Variants in HDAC7 observed in about 807,000 individuals in gnomAD.
HDAC7 encodes histone deacetylase 7A.
A neutral mutation model predicts 115.5 loss-of-function variants in HDAC7; 26 were observed. The observed-to-expected ratio is 0.23, with a 90% CI of 0.16 to 0.31. HDAC7 has a LOEUF of 0.31. Among genes scored for constraint, HDAC7 ranks in the 10% least tolerant of loss-of-function variants. The pLI is 1.00. For synonymous variants in HDAC7, 564 were observed against 550.9 expected, an observed-to-expected ratio of 1.02 and a Z score of -0.33; for missense variants, 1,068 against 1,329.0, an observed-to-expected ratio of 0.80 and a Z score of 3.05.
Position 47,795,429 on chromosome 12 carries a change from G to A in HDAC7, c.1088-49C>T. 1 of 1,506,706 alleles carries A rather than the reference G, an allele frequency of 6.6e-7. No individual in the cohort carries two copies. The highest frequency in any genetic ancestry group is 9.0e-7 in the Non-Finnish European group (1 of 1,106,646). 93.3% of individuals were successfully genotyped at this position (1,506,706 alleles called of 1,614,324 possible). ...TAAGGAGGGAACCACAGGGAGCAAT[G>A]GAAGGAAGCGAGGGTATAGGGTGGG... On this transcript the variant is annotated intron_variant, in intron 10 of 25. Transcript: ENST00000080059. This position sits in a 1 kb window ranked among gnomAD's most constrained non-coding sequence, Gnocchi z 4.3.
At chr12:47,789,693 C>T (rs1943374028) in intron 17 of HDAC7, 115 bp from the exon 18 acceptor site, 14 of 1,418,302 alleles carry the variant, frequency 9.9e-6, no homozygotes, top group Non-Finnish European at 1.4e-5. Flanking sequence ...ATTTCCCCTC[C>T]AAAACCCTGT....
intron 1 of HDAC7, chr12:47,817,741 C>G (rs1040126729): frequency 6.6e-6 from 1 of 152,274 alleles, no homozygotes; most frequent in Non-Finnish European, 1.5e-5. Flanking sequence ...AATTACCAGC[C>G]CTTAATGAAA....
rs2137018794 is a variant in HDAC7, at chr12:47,803,868, T to A, written c.20-1594A>T. Among the ~76,000 whole-genome samples the A allele has an allele frequency of 6.6e-6, 1 of 152,224 alleles. No homozygotes were observed. The highest frequency in any genetic ancestry group is 1.5e-5 in the Non-Finnish European group (1 of 68,000). On this transcript the variant is annotated intron_variant, in intron 1 of 25. Coordinates refer to ENST00000080059, the MANE Select transcript of HDAC7 (RefSeq NM_015401.5). This position sits in a 1 kb window ranked among gnomAD's most constrained non-coding sequence, Gnocchi z 4.0. ...CCCAATCCCAGGCCTTCTTAGTACCTCTTCTTTCTTCTGCAGGACCTGGTC... is the reference window on the plus strand; with the variant it reads ...CCCAATCCCAGGCCTTCTTAGTACCACTTCTTTCTTCTGCAGGACCTGGTC...
intron 1 of HDAC7, among the ~76,000 whole-genome samples, chr12:47,810,479 C>T (rs780428353): frequency 2.8e-4 from 42 of 152,184 alleles, no homozygotes; most frequent in Admixed American, 7.9e-4. Flanking sequence ...AGGGTATGCT[C>T]CCAATGCCAG....
At chr12:47,805,261 T>TG (rs1192203981) in intron 1 of HDAC7, among the ~76,000 whole-genome samples, 3 of 150,058 alleles carry the variant, frequency 2.0e-5, no homozygotes, top group Admixed American at 6.7e-5. Context: ...GTTTTGTTGT[T>TG]TTTTTTTTTG....
rs183056509 is a variant in HDAC7, at chr12:47,793,662, G to A, written c.1459-74C>T. ...CCTCTACTTCTGCCTGAGGTCTTGG[G>A]AACTGCCAAGCAGGCCCCTTTCCTA... On this transcript the variant is annotated intron_variant, in intron 12 of 25. Coordinates refer to ENST00000080059, the MANE Select transcript of HDAC7 (RefSeq NM_015401.5). This position sits in a 1 kb window ranked among gnomAD's most constrained non-coding sequence, Gnocchi z 4.5. 457 of 1,184,664 alleles carry A rather than the reference G, an allele frequency of 3.9e-4. 1 individual carries two copies. In the African/African-American group the frequency reaches 6.1e-3, roughly 16 times the overall value. The allele number at this position is 1,184,664 out of a possible 1,614,324, so 73.4% of individuals were successfully genotyped here. A position where few individuals can be genotyped will look rare whatever the true frequency, so the allele number is the denominator to read the frequency against.
In HDAC7 at chr12:47,795,134, G is replaced by A. The variant is rs755675735; in HGVS notation, c.1284+50C>T. 6 of 1,480,124 alleles carry A rather than the reference G, an allele frequency of 4.1e-6. No homozygotes were observed. The East Asian group carries it at 6.8e-5, about 17-fold the overall frequency. The allele number at this position is 1,480,124 out of a possible 1,614,324, so 91.7% of individuals were successfully genotyped here. ...GTACCCCTCTTCTTTTGGCCCCTAA[G>A]TCCCCAGTTAAACACTCCCTCAATA... On this transcript the variant is annotated intron_variant, in intron 11 of 25. Transcript: ENST00000080059. The surrounding 1 kb of genome is among the most constrained non-coding windows in gnomAD (Gnocchi z 4.3).
Position 47,797,727 on chromosome 12 carries a change from C to T in HDAC7, c.462-228G>A, listed in dbSNP as rs547122974. On this transcript the variant is annotated intron_variant, in intron 5 of 25. Coordinates refer to ENST00000080059, the MANE Select transcript of HDAC7 (RefSeq NM_015401.5). This position sits in a 1 kb window ranked among gnomAD's most constrained non-coding sequence, Gnocchi z 5.5. The stretch of plus-strand genomic sequence containing the variant: ...AGGCATAGAAGCCAGGTGCTTGGTG[C>T]GTGGGTGAAGAGCCCACTGGGGGCT... Among the ~76,000 whole-genome samples the T allele has an allele frequency of 1.3e-5, 2 of 152,250 alleles. No homozygotes were observed. Among genetic ancestry groups the T allele is most frequent in the East Asian group, 1.9e-4 (1 of 5,182 alleles).
chr12:47,810,244 C>A (rs1032118831), intron 1 of HDAC7, among the ~76,000 whole-genome samples: 4 of 152,192 alleles, frequency 2.6e-5, no homozygotes, highest in Non-Finnish European at 4.4e-5. Context: ...CTGCGCCCGG[C>A]CTATATACTG....
At chr12:47,806,965 A>C (rs1592686852) in intron 1 of HDAC7, among the ~76,000 whole-genome samples, 1 of 141,996 alleles carries the variant, frequency 7.0e-6, no homozygotes, top group Non-Finnish European at 1.5e-5. Flanking sequence ...TTTGAGATGG[A>C]GTCTCGCTCT....
At position 47,794,835 on chromosome 12, in the gene HDAC7, A is replaced by G. The variant is rs200267610; in HGVS notation, c.1383T>C (p.Asp461=). ...GGCCCAGCTCCCTGTGCTCCAGGCC[A>G]TCGTCCACCACCTGGCCCGGTCCCC... ...DGGGPGQVVD[D]GLEHRELGHG... is the part of the protein sequence containing the mutation. Residue 461 remains aspartate (D), a synonymous_variant, in exon 12 of 26, where the codon GAT becomes GAC. Transcript: ENST00000080059. The G allele has an allele frequency of 2.4e-4, 380 of 1,613,136 alleles. 2 individuals carry two copies. In the East Asian group the frequency reaches 6.8e-3, roughly 29 times the overall value.
chr12:47,814,578 G>C (rs1944798009), intron 1 of HDAC7, among the ~76,000 whole-genome samples: 1 of 152,218 alleles, frequency 6.6e-6, no homozygotes, highest in African/African-American at 2.4e-5. Flanking sequence ...CCAAGCAAGG[G>C]AGTGGCTTTG....
Position 47,795,732 on chromosome 12 carries a change from G to T in HDAC7, c.942C>A (p.Gly314=). 6.5e-7 allele frequency: 1 copy of T among 1,544,316 alleles called. No individual in the cohort carries two copies. Residue 314 remains glycine (G), a synonymous_variant, in exon 10 of 26, where the codon GGC becomes GGA. Transcript: ENST00000080059. This position sits in a 1 kb window ranked among gnomAD's most constrained non-coding sequence, Gnocchi z 4.3. ...GGCTCCCCAGGATTGGCCCCCGAGG[G>T]CCCAGAGTCGGATGGGTCCTGCGGT... ...DSDRRTHPTL[G]PRGPILGSPH... is the part of the protein sequence containing the mutation.
chr12:47,791,680 C>T lies in HDAC7; in HGVS notation c.1839G>A (p.Leu613=), dbSNP rs763987188. The part of the protein sequence containing the change: ...CECLRGRKAS[L]EELQSVHSER... ...CAGAGTGGACCGACTGCAGCTCTTCCAGGGAGGCCTTCCGGCCTCGGAGAC... is the reference window on the plus strand; with the variant it reads ...CAGAGTGGACCGACTGCAGCTCTTCTAGGGAGGCCTTCCGGCCTCGGAGAC... Residue 613 remains leucine (L), a synonymous_variant, in exon 15 of 26, where the codon CTG becomes CTA. Coordinates refer to ENST00000080059, the MANE Select transcript of HDAC7 (RefSeq NM_015401.5). The T allele has an allele frequency of 6.2e-7, 1 of 1,613,762 alleles. No individual in the cohort carries two copies. The highest frequency in any genetic ancestry group is 8.5e-7 in the Non-Finnish European group (1 of 1,179,980).
chr12:47,786,006 C>T, intron 22 of HDAC7, 121 bp from the exon 23 acceptor site: 1 of 1,029,190 alleles, frequency 9.7e-7, no homozygotes, highest in Non-Finnish European at 1.4e-6. Context: ...GTATCAATCA[C>T]TATTTCCAAA....
At chr12:47,817,035 T>C (rs1944869911) in intron 1 of HDAC7, among the ~76,000 whole-genome samples, 1 of 152,220 alleles carries the variant, frequency 6.6e-6, no homozygotes, top group Non-Finnish European at 1.5e-5. Context: ...AGGAAAGGGC[T>C]GTCTGGGGGC....
chr12:47,791,698 T>C lies in HDAC7; in HGVS notation c.1821A>G (p.Arg607=), dbSNP rs950332686. Residue 607 remains arginine, a synonymous_variant, in exon 15 of 26, where the codon CGA becomes CGG. Transcript: ENST00000080059. Reference sequence around the variant, plus strand: ...GCTCTTCCAGGGAGGCCTTCCGGCCTCGGAGACACTGAAAAGGGGACCACA... The same window carrying C: ...GCTCTTCCAGGGAGGCCTTCCGGCCCCGGAGACACTGAAAAGGGGACCACA... The part of the protein sequence containing the change: ...RGLRSQCECL[R]GRKASLEELQ... The C allele has an allele frequency of 1.2e-6, 2 of 1,613,620 alleles. No homozygotes were observed. Among genetic ancestry groups the C allele is most frequent in the African/African-American group, 1.3e-5 (1 of 75,020 alleles).
At chr12:47,806,815 C>T (rs1944426012) in intron 1 of HDAC7, among the ~76,000 whole-genome samples, 1 of 152,182 alleles carries the variant, frequency 6.6e-6, no homozygotes, top group African/African-American at 2.4e-5. Context: ...TATTAGTTTG[C>T]CTCCTGTACT....
At chr12:47,814,899 G>A (rs1163427123) in intron 1 of HDAC7, among the ~76,000 whole-genome samples, 1 of 152,196 alleles carries the variant, frequency 6.6e-6, no homozygotes. Flanking sequence ...GCCATGCCCA[G>A]TTCATTTCCT....
Sources: gnomAD v4.1 joint callset for allele counts (sites outside exome capture counted in the v4.1 genomes callset) on GRCh38, gnomAD v4.1.1 for gene constraint, Gnocchi (gnomAD v3.1) non-coding constraint, MANE v1.5 for transcripts, NCBI Gene and HGNC (gene_info 2026-07-23, HGNC 2026-07-21) for gene names.